Variants in CFAP61 observed in about 807,000 individuals in gnomAD.
CFAP61 encodes the protein cilia- and flagella-associated protein 61.
CFAP61 carries 107 observed loss-of-function variants against 135.6 expected under a neutral mutation model. The observed-to-expected ratio is 0.79, with a 90% CI of 0.67 to 0.93. CFAP61 has a LOEUF of 0.93. Among genes scored for constraint, CFAP61 ranks in the 40% least tolerant of loss-of-function variants. The pLI is 0.00. For missense variants in CFAP61, 1,507 were observed against 1,556.2 expected, an observed-to-expected ratio of 0.97 and a Z score of 0.53; for synonymous variants, 575 against 578.5, an observed-to-expected ratio of 0.99 and a Z score of 0.09.
At chr20:20,286,593 GGCCAGCCAT>G (rs1490870077) in intron 22 of CFAP61, among the ~76,000 whole-genome samples, 2 of 152,154 alleles carry the variant, frequency 1.3e-5, no homozygotes, top group Non-Finnish European at 2.9e-5. Flanking sequence ...ACATCAGTGT[GGCCAGCCAT>G]TACCTCTTCC....
intron 24 of CFAP61, among the ~76,000 whole-genome samples, chr20:20,296,228 CCTTTCT>C (rs2055513284): frequency 9.6e-6 from 1 of 103,892 alleles, no homozygotes; most frequent in Non-Finnish European, 2.0e-5. Context: ...TCCCTTCCTT[CCTTTCT>C]TCCTTCCCTC....
At position 20,251,582 on chromosome 20, in the gene CFAP61, T is replaced by G; in HGVS notation, c.2160-13T>G. The G allele has an allele frequency of 6.2e-7, 1 of 1,613,274 alleles. No individual in the cohort carries two copies. Among genetic ancestry groups the G allele is most frequent in the Non-Finnish European group, 8.5e-7 (1 of 1,179,586 alleles). On this transcript the variant is annotated splice_polypyrimidine_tract_variant and intron_variant, in intron 19 of 26. Transcript: ENST00000245957. Reference sequence around the variant, plus strand: ...CTGCTCAGATGTCACTTACGGAGCTTCTCTCTTTGCAGCCACTGTTTTAAT... The same window carrying G: ...CTGCTCAGATGTCACTTACGGAGCTGCTCTCTTTGCAGCCACTGTTTTAAT...
In CFAP61 at chr20:20,075,257, G is replaced by T; in HGVS notation, c.439+1G>T. On this transcript the variant is annotated splice_donor_variant, in intron 5 of 26. Coordinates refer to ENST00000245957, the MANE Select transcript of CFAP61 (RefSeq NM_015585.4). LOFTEE classifies it high-confidence loss of function. ...ATCGTGCCATCCTACATGAGCCTAGGTAAGGCCCGCCCAACCACCTCTGGT... is the reference window on the plus strand; with the variant it reads ...ATCGTGCCATCCTACATGAGCCTAGTTAAGGCCCGCCCAACCACCTCTGGT... 1 of 1,613,976 alleles carries T rather than the reference G, an allele frequency of 6.2e-7. No individual in the cohort carries two copies. Among genetic ancestry groups the T allele is most frequent in the Non-Finnish European group, 8.5e-7 (1 of 1,179,874 alleles).
chr20:20,228,362 G>C lies in CFAP61; in HGVS notation c.2046G>C (p.Glu682Asp). Residue 682 changes from glutamate (E) to aspartate (D), a missense_variant, in exon 18 of 27, where the codon GAG becomes GAC. By Grantham distance (45) the Glu-to-Asp change is conservative (BLOSUM62 2). Transcript: ENST00000245957. ...GASSVGISFL[E>D]TLVFCSHMKF... ...CCAGTGTTGGAATTTCCTTCCTAGA[G>C]ACATTGGTATTTTGGTGAGTTGTTT... 1.2e-6 allele frequency: 2 copies of C among 1,607,766 alleles called. No individual in the cohort carries two copies. The highest frequency in any genetic ancestry group is 1.7e-6 in the Non-Finnish European group (2 of 1,174,900).
At chr20:20,300,795 G>A (rs780005661) in intron 25 of CFAP61, among the ~76,000 whole-genome samples, 15 of 151,868 alleles carry the variant, frequency 9.9e-5, no homozygotes, top group Non-Finnish European at 1.6e-4. Context: ...TAGTAGAGAC[G>A]GGGTTTCACC....
In CFAP61 at chr20:20,075,197, A is replaced by G. The variant is rs764748072; in HGVS notation, c.380A>G (p.Tyr127Cys). The G allele has an allele frequency of 6.8e-6, 11 of 1,614,058 alleles. No homozygotes were observed. The South Asian group carries it at 9.9e-5, about 14-fold the overall frequency. Residue 127 changes from tyrosine to cysteine, a missense_variant, in exon 5 of 27, where the codon TAT becomes TGT. Coordinates refer to ENST00000245957, the MANE Select transcript of CFAP61 (RefSeq NM_015585.4). ...CTCTCTTTCCTCACCAGAACCGTGTATAAGGCAGTGCCAGAGCTGCACTTC... is the reference window on the plus strand; with the variant it reads ...CTCTCTTTCCTCACCAGAACCGTGTGTAAGGCAGTGCCAGAGCTGCACTTC... The part of the protein sequence containing the change: ...GCCKEILRTV[Y>C]KAVPELHFIF...
intron 17 of CFAP61, chr20:20,226,270 T>C (rs894725775): frequency 6.6e-6 from 1 of 152,190 alleles, no homozygotes; most frequent in Non-Finnish European, 1.5e-5. Context: ...AGTATTCCTA[T>C]TTTCACTTAC....
chr20:20,232,266 C>T (rs550533278), intron 18 of CFAP61, among the ~76,000 whole-genome samples: 2 of 152,246 alleles, frequency 1.3e-5, no homozygotes, highest in South Asian at 4.1e-4. Flanking sequence ...AAAGTGAACT[C>T]CCACCAAGTC....
intron 3 of CFAP61, among the ~76,000 whole-genome samples, chr20:20,073,095 T>C (rs1426870180): frequency 6.6e-6 from 1 of 152,202 alleles, no homozygotes; most frequent in Non-Finnish European, 1.5e-5. Context: ...GAATAAATCT[T>C]GCATTGTAAT....
intron 13 of CFAP61, among the ~76,000 whole-genome samples, chr20:20,183,481 G>A (rs920516231): frequency 2.6e-5 from 4 of 152,122 alleles, no homozygotes; most frequent in African/African-American, 9.7e-5. Flanking sequence ...TCTGCTTTTT[G>A]AGCTGAGTAA....
intron 14 of CFAP61, among the ~76,000 whole-genome samples, chr20:20,189,140 T>C (rs2055727595): frequency 6.6e-6 from 1 of 152,214 alleles, no homozygotes; most frequent in Admixed American, 6.5e-5. Context: ...TTAGTTAATT[T>C]TTAAGTCATC....
chr20:20,319,934 C>T (rs895683316), intron 25 of CFAP61, among the ~76,000 whole-genome samples: 3 of 151,956 alleles, frequency 2.0e-5, no homozygotes, highest in South Asian at 2.1e-4. Flanking sequence ...ACACCACCTG[C>T]GAAAAACAAG....
At chr20:20,084,076 A>G (rs1413725716) in intron 6 of CFAP61, among the ~76,000 whole-genome samples, 1 of 152,154 alleles carries the variant, frequency 6.6e-6, no homozygotes, top group Non-Finnish European at 1.5e-5. Context: ...AATCTAGTTG[A>G]CGCCGATCTT....
At chr20:20,114,305 G>A (rs2048992084) in intron 8 of CFAP61, among the ~76,000 whole-genome samples, 1 of 152,170 alleles carries the variant, frequency 6.6e-6, no homozygotes, top group African/African-American at 2.4e-5. Flanking sequence ...ATCATTTTGG[G>A]GATCTTGAAT....
intron 25 of CFAP61, among the ~76,000 whole-genome samples, chr20:20,325,101 C>T (rs1569298939): frequency 6.6e-6 from 1 of 152,142 alleles, no homozygotes; most frequent in Non-Finnish European, 1.5e-5. Context: ...GCAAGACCTC[C>T]TCTCTGTAAG....
intron 18 of CFAP61, among the ~76,000 whole-genome samples, chr20:20,233,653 G>A (rs1370363517): frequency 6.6e-6 from 1 of 152,202 alleles, no homozygotes; most frequent in Non-Finnish European, 1.5e-5. Context: ...TGCCACCAGA[G>A]AATAAGGATC....
intron 13 of CFAP61, among the ~76,000 whole-genome samples, chr20:20,174,942 C>T (rs6035572): frequency 0.2 from 30,924 of 152,130 alleles, 3,509 homozygotes; most frequent in African/African-American, 0.29. Context: ...TCTGTCCCCG[C>T]GTCCCCATGG....
chr20:20,202,405 T>G (rs1284816306), intron 17 of CFAP61, among the ~76,000 whole-genome samples: 1 of 152,232 alleles, frequency 6.6e-6, no homozygotes, highest in South Asian at 2.1e-4. Context: ...TTAGATTTAG[T>G]AAACAAGATT....
intron 2 of CFAP61, among the ~76,000 whole-genome samples, chr20:20,068,632 C>T (rs999027368): frequency 2.6e-5 from 4 of 152,178 alleles, no homozygotes; most frequent in Middle Eastern, 3.2e-3. Context: ...AGATTGATAT[C>T]CCCAGCACAA....
Sources: gnomAD v4.1 joint callset for allele counts (sites outside exome capture counted in the v4.1 genomes callset) on GRCh38, gnomAD v4.1.1 for gene constraint, MANE v1.5 for transcripts, NCBI Gene and HGNC (gene_info 2026-07-23, HGNC 2026-07-21) for gene names.